KARS1: variants seen among roughly 807,000 people sequenced by gnomAD.
KARS1 encodes lysyl-tRNA synthetase 1.
In KARS1, 50 loss-of-function variants were observed where a neutral mutation model predicts 63.9. That is an observed-to-expected ratio of 0.78 (90% CI 0.62 to 0.99). The LOEUF (loss-of-function observed/expected upper bound fraction) is 0.99. KARS1 is among the 50% of genes least tolerant of loss of function. The probability of loss-of-function intolerance (pLI) is 0.00; values close to 1 mark genes in which losing one functional copy is unlikely to be tolerated. For missense variants in KARS1, 816 were observed against 754.5 expected, an observed-to-expected ratio of 1.08 and a Z score of -0.95; for synonymous variants, 320 against 264.6, an observed-to-expected ratio of 1.21 and a Z score of -2.03.
At position 75,644,541 on chromosome 16, in the gene KARS1, G is replaced by T. The variant is rs1323860266; in HGVS notation, c.63-2818C>A. Reference sequence around the variant, plus strand: ...CCCAACCAACTCTCTTATGGGTTGGGGAGGGGGACCATGCTTCTACTACCT... The same window carrying T: ...CCCAACCAACTCTCTTATGGGTTGGTGAGGGGGACCATGCTTCTACTACCT... On this transcript the variant is annotated intron_variant, in intron 1 of 13. Coordinates refer to ENST00000302445, the MANE Select transcript of KARS1 (RefSeq NM_005548.3). 7 of 1,049,942 alleles carry T rather than the reference G, an allele frequency of 6.7e-6. 1 individual carries two copies. The South Asian group carries it at 1.1e-4, about 16-fold the overall frequency. The allele number at this position is 1,049,942 out of a possible 1,614,324, so 65.0% of individuals were successfully genotyped here. A position where few individuals can be genotyped will look rare whatever the true frequency, so the allele number is the denominator to read the frequency against.
rs1414557222 is a variant in KARS1 at position 75,628,533 on chromosome 16, C to T, written c.1695+36G>A. On this transcript the variant is annotated intron_variant, in intron 13 of 13. Coordinates refer to ENST00000302445, the MANE Select transcript of KARS1 (RefSeq NM_005548.3). ...CCTGGCTCCAACACAATGCAGCTTC[C>T]TCAGGAAGTGTGCTCTGTGGAGGGT... The T allele has an allele frequency of 2.5e-6, 4 of 1,611,946 alleles. 1 individual carries two copies. The highest frequency in any genetic ancestry group is 4.5e-5 in the East Asian group (2 of 44,882).
chr16:75,635,576 G>T, intron 6 of KARS1, 104 bp downstream of exon 6: 1 of 1,284,974 alleles, frequency 7.8e-7, no homozygotes, highest in South Asian at 1.2e-5. Context: ...CATTAGGCAT[G>T]AAGGATCCTG....
chr16:75,641,656 T>C lies in KARS1; in HGVS notation c.130A>G (p.Ser44Gly). The change falls in exon 2 of 14, where the codon AGT becomes GGT. Residue 44 changes from serine (S) to glycine (G), a missense_variant. Transcript: ENST00000302445. ...GTGGCTTGGCTTAGCTGTTTCTCAC[T>C]GAGCTCTTTCTGTTTGGCCTCCTTC... is the stretch of plus-strand genomic sequence containing the variant. Reference protein sequence around the residue: ...AEKEAKQKELSEKQLSQATAA... With the variant: ...AEKEAKQKELGEKQLSQATAA... 6.2e-7 allele frequency: 1 copy of C among 1,613,996 alleles called. No homozygotes were observed. The highest frequency in any genetic ancestry group is 1.3e-5 in the African/African-American group (1 of 75,062).
intron 13 of KARS1, 94 bp from the exon 14 acceptor site, chr16:75,628,087 C>T: frequency 8.7e-6 from 7 of 806,946 alleles, no homozygotes; most frequent in South Asian, 2.7e-5. Context: ...GTTGTTACCA[C>T]CAAAATCCAG....
chr16:75,640,951 C>T (rs1450509985), intron 2 of KARS1, among the ~76,000 whole-genome samples: 7 of 152,126 alleles, frequency 4.6e-5, no homozygotes, highest in Non-Finnish European at 1.0e-4. Flanking sequence ...GCCTGTAATC[C>T]TAGTACTCTG....
intron 3 of KARS1, among the ~76,000 whole-genome samples, chr16:75,639,496 TG>T (rs1433719911): frequency 3.0e-5 from 4 of 133,372 alleles, no homozygotes; most frequent in Admixed American, 2.6e-4. Flanking sequence ...TGCTTGAACC[TG>T]GGGGGCAGAG....
chr16:75,629,441 G>T lies in KARS1; in HGVS notation c.1525C>A (p.Arg509=). 6.2e-7 allele frequency: 1 copy of T among 1,614,102 alleles called. No homozygotes were observed. Among genetic ancestry groups the T allele is most frequent in the South Asian group, 1.1e-5 (1 of 91,074 alleles). The change falls in exon 12 of 14, where the codon CGG becomes AGG. Residue 509 remains arginine, a synonymous_variant. Coordinates refer to ENST00000302445, the MANE Select transcript of KARS1 (RefSeq NM_005548.3). ...YTELNDPMRQ[R]QLFEEQAKAK... is the part of the protein sequence containing the mutation. ...TTGGCCTGTTCTTCAAAAAGCTGCC[G>T]CTGCCGCATGGGATCATTCAGCTCA...
In KARS1 at chr16:75,635,740, G is replaced by A. The variant is rs2151805627; in HGVS notation, c.735C>T (p.Ile245=). The part of the protein sequence containing the change: ...ILNDFVRQKF[I]IRSKIITYIR... Reference sequence around the variant, plus strand: ...TATATGTGATGATCTTAGAGCGGATGATAAATTTCTGCCTCACAAAGTCAT... The same window carrying A: ...TATATGTGATGATCTTAGAGCGGATAATAAATTTCTGCCTCACAAAGTCAT... Residue 245 remains isoleucine, a synonymous_variant, in exon 6 of 14, where the codon ATC becomes ATT. Transcript: ENST00000302445. 6.2e-7 allele frequency: 1 copy of A among 1,614,130 alleles called. No homozygotes were observed. Among genetic ancestry groups the A allele is most frequent in the Non-Finnish European group, 8.5e-7 (1 of 1,179,966 alleles).
At chr16:75,637,269 A>G (rs1284591758) in intron 3 of KARS1, among the ~76,000 whole-genome samples, 1 of 152,070 alleles carries the variant, frequency 6.6e-6, no homozygotes, top group Non-Finnish European at 1.5e-5. Flanking sequence ...ATAAGCAAGG[A>G]GGCAAACCAC....
At chr16:75,643,706 A>ACAGATT (rs2082250078) in intron 1 of KARS1, among the ~76,000 whole-genome samples, 1 of 152,140 alleles carries the variant, frequency 6.6e-6, no homozygotes, top group South Asian at 2.1e-4. Flanking sequence ...AAAAAGAAAA[A>ACAGATT]CAGATTCTGA....
chr16:75,642,333 G>C (rs1202366045), intron 1 of KARS1, among the ~76,000 whole-genome samples: 1 of 151,568 alleles, frequency 6.6e-6, no homozygotes, highest in East Asian at 2.0e-4. Context: ...CTCCTGAGTA[G>C]CTGGGATTAC....
At position 75,641,693 on chromosome 16, in the gene KARS1, C is replaced by A. The variant is rs750104318; in HGVS notation, c.93G>T (p.Lys31Asn). 1.3e-5 allele frequency: 21 copies of A among 1,613,864 alleles called. No individual in the cohort carries two copies. The Admixed American group carries it at 1.3e-4, about 10-fold the overall frequency. ...GTTTGGCCTCCTTCTCTGCTACTTT[C>A]TTCTCAGCTTTCAGGCGTCTCTTCA... is the stretch of plus-strand genomic sequence containing the variant. Reference protein sequence around the residue: ...NELKRRLKAEKKVAEKEAKQK... With the variant: ...NELKRRLKAENKVAEKEAKQK... The change falls in exon 2 of 14, where the codon AAG (lysine) becomes AAT (asparagine). Residue 31 changes from lysine to asparagine, a missense_variant. Lys to Asn is a moderately conservative substitution (Grantham distance 94). Transcript: ENST00000302445.
chr16:75,647,195 A>G (rs1312245575), intron 1 of KARS1, among the ~76,000 whole-genome samples: 2 of 152,244 alleles, frequency 1.3e-5, no homozygotes, highest in Non-Finnish European at 2.9e-5. Flanking sequence ...AGGGTATTTA[A>G]CATTTCTCCA....
Position 75,631,547 on chromosome 16 carries a change from T to C in KARS1, c.1121A>G (p.His374Arg), listed in dbSNP as rs761209727. The C allele has an allele frequency of 1.9e-6, 3 of 1,614,098 alleles. No individual in the cohort carries two copies. The highest frequency in any genetic ancestry group is 2.5e-6 in the Non-Finnish European group (3 of 1,180,016). Reference protein sequence around the residue: ...HITGSYKVTYHPDGPEGQAYD... With the variant: ...HITGSYKVTYRPDGPEGQAYD... ...GGCTTGGCCCTCTGGGCCATCTGGG[T>C]GGTAGGTGACCTTGTAACTGCCTGT... Residue 374 changes from histidine (H) to arginine (R), a missense_variant, in exon 9 of 14, where the codon CAC (histidine) becomes CGC (arginine). Physicochemically the swap from His to Arg is conservative, Grantham distance 29. Transcript: ENST00000302445.
At chr16:75,640,114 C>T (rs1241656251) in intron 3 of KARS1, 70 bp downstream of exon 3, 9 of 1,340,620 alleles carry the variant, frequency 6.7e-6, no homozygotes, top group Non-Finnish European at 7.5e-6. Context: ...CCCAGACCTT[C>T]CCTTGTGCTA....
intron 12 of KARS1, 165 bp from the exon 13 acceptor site, chr16:75,628,877 G>T: frequency 1.3e-6 from 1 of 750,156 alleles, no homozygotes; most frequent in Non-Finnish European, 2.3e-6. Context: ...AGATGCAGCC[G>T]TTTCTTTCAA....
chr16:75,639,804 TAGGAAAAGA>T (rs891149321), intron 3 of KARS1: 2 of 174,806 alleles, frequency 1.1e-5, no homozygotes, highest in Non-Finnish European at 2.4e-5. Flanking sequence ...TTTTTAAATT[TAGGAAAAGA>T]AGATCTCACC....
intron 3 of KARS1, among the ~76,000 whole-genome samples, chr16:75,638,376 C>T (rs2082187334): frequency 6.6e-6 from 1 of 152,082 alleles, no homozygotes; most frequent in Non-Finnish European, 1.5e-5. Context: ...CTAACCCTGT[C>T]CCTCCCCGGT....
At chr16:75,637,684 C>T (rs985063993) in intron 3 of KARS1, among the ~76,000 whole-genome samples, 3 of 150,650 alleles carry the variant, frequency 2.0e-5, no homozygotes, top group African/African-American at 7.3e-5. Context: ...GAGGCTGAGG[C>T]AGGAGAATCG....
Sources: allele counts gnomAD v4.1 joint callset (sites outside exome capture counted in the v4.1 genomes callset), GRCh38; gene constraint gnomAD v4.1.1; transcripts MANE v1.5; gene names NCBI Gene and HGNC (gene_info 2026-07-23, HGNC 2026-07-21).